CRIPT: variants seen among roughly 807,000 people sequenced by gnomAD.
The protein encoded by CRIPT is cysteine-rich PDZ-binding protein.
Under a neutral mutation model 16.6 loss-of-function variants are expected in CRIPT, and 20 were observed. The ratio of observed to expected loss-of-function variants is 1.20; its 90% CI spans 0.85 to 1.75. CRIPT has a LOEUF of 1.75. CRIPT is among the 40% of genes most tolerant of loss of function. The probability of loss-of-function intolerance (pLI) is 0.00; values close to 1 mark genes in which losing one functional copy is unlikely to be tolerated. For missense variants in CRIPT, 133 were observed against 115.3 expected (o/e 1.15, Z -0.70); for synonymous variants, 42 against 37.0 (o/e 1.14, Z -0.49).
At chr2:46,617,415 G>C (rs1670689136) in intron 1 of CRIPT, 117 bp downstream of exon 1, 11 of 1,175,906 alleles carry the variant, frequency 9.4e-6, no homozygotes, top group Non-Finnish European at 1.3e-5. Context: ...GATTCTATCC[G>C]CTGTCTTTCT....
Position 46,626,268 on chromosome 2 carries a change from C to G in CRIPT, c.*2041C>G, listed in dbSNP as rs1670937455. On this transcript the variant is annotated 3_prime_UTR_variant, in exon 5 of 5. Transcript: ENST00000238892. ...ATGTTGCTGCAAAAGACATGATTTTCATTCTTTTTTATGGCTGCATAGTAT... is the reference window on the plus strand; with the variant it reads ...ATGTTGCTGCAAAAGACATGATTTTGATTCTTTTTTATGGCTGCATAGTAT... Among the ~76,000 whole-genome samples, 1 of 152,142 alleles carries G rather than the reference C, an allele frequency of 6.6e-6. No homozygotes were observed. The highest frequency in any genetic ancestry group is 1.5e-5 in the Non-Finnish European group (1 of 68,006).
rs1050383231 is a variant in CRIPT, at chr2:46,627,768, A to C, written c.*3541A>C. Among the ~76,000 whole-genome samples the C allele has an allele frequency of 1.3e-5, 2 of 152,058 alleles. No homozygotes were observed. The highest frequency in any genetic ancestry group is 6.6e-5 in the Admixed American group (1 of 15,258). ...CCCCTTATATTTAAATCTTTAATCT[A>C]TCTTGAGGTAATTTTATATATATGG... is the stretch of plus-strand genomic sequence containing the variant. On this transcript the variant is annotated 3_prime_UTR_variant, in exon 5 of 5. Transcript: ENST00000238892.
At chr2:46,620,926 T>G (rs1215395500) in intron 3 of CRIPT, among the ~76,000 whole-genome samples, 2 of 152,014 alleles carry the variant, frequency 1.3e-5, no homozygotes, top group African/African-American at 4.8e-5. Context: ...AATTCCTCAC[T>G]GAGTCCTCCC....
chr2:46,618,968 C>T (rs1301637555), intron 2 of CRIPT, 130 bp downstream of exon 2: 4 of 569,156 alleles, frequency 7.0e-6, no homozygotes, highest in South Asian at 2.6e-5. Flanking sequence ...TTAAAGAATA[C>T]TGGGTCCTCA....
rs751165866 is a variant in CRIPT, at chr2:46,617,281, G to C, written c.-2G>C. 8.4e-6 allele frequency: 13 copies of C among 1,554,976 alleles called. No individual in the cohort carries two copies. In the African/African-American group the frequency reaches 1.1e-4, roughly 13 times the overall value. On this transcript the variant is annotated 5_prime_UTR_variant, in exon 1 of 5. Coordinates refer to ENST00000238892, the MANE Select transcript of CRIPT (RefSeq NM_014171.6). ...CGGCTAGGGGAACCGTCGTGGGGAA[G>C]GATGGTGTGCGAAAAATGTGAGTTA...
rs2104186342 is a variant in CRIPT at position 46,629,819 on chromosome 2, C to G, written c.*5592C>G. On this transcript the variant is annotated 3_prime_UTR_variant, in exon 5 of 5. Coordinates refer to ENST00000238892, the MANE Select transcript of CRIPT (RefSeq NM_014171.6). ...TTAGTGGGTAATTTGTGAGGAGAAA[C>G]TTTGAGACCTTGTTGACAATTCTGT... 6.6e-6 allele frequency among the ~76,000 whole-genome samples: 1 copy of G among 152,262 alleles called. No homozygotes were observed. Among genetic ancestry groups the G allele is most frequent in the Admixed American group, 6.5e-5 (1 of 15,304 alleles).
At chr2:46,619,278 A>G (rs1329602995) in intron 2 of CRIPT, among the ~76,000 whole-genome samples, 1 of 152,140 alleles carries the variant, frequency 6.6e-6, no homozygotes, top group Non-Finnish European at 1.5e-5. Flanking sequence ...AAATACATAT[A>G]GTAAAGTATG....
chr2:46,618,720 G>A (rs1291520256), intron 1 of CRIPT, 53 bp from the exon 2 acceptor site: 1 of 1,155,286 alleles, frequency 8.7e-7, no homozygotes, highest in Non-Finnish European at 1.3e-6. Flanking sequence ...ACAATGTAAT[G>A]CACTTATTAA....
rs1234734217 is a variant in CRIPT at position 46,625,435 on chromosome 2, TA to T, written c.*1209del. The T allele has an allele frequency of 6.7e-6, 1 of 150,140 alleles. No individual in the cohort carries two copies. Among genetic ancestry groups the T allele is most frequent in the Non-Finnish European group, 1.5e-5 (1 of 67,632 alleles). The allele number at this position is 150,140 out of a possible 1,614,324, so 9.3% of individuals were successfully genotyped here. A position where few individuals can be genotyped will look rare whatever the true frequency, so the allele number is the denominator to read the frequency against. ...ACAGGTTTCAAATGAATACTTTTCT[TA>T]TGTTGCCTTCAGAGGTTCAGGACTT... On this transcript the variant is annotated 3_prime_UTR_variant, in exon 5 of 5. Transcript: ENST00000238892.
chr2:46,621,416 T>C (rs749209314), intron 3 of CRIPT, among the ~76,000 whole-genome samples: 1 of 152,226 alleles, frequency 6.6e-6, no homozygotes, highest in Non-Finnish European at 1.5e-5. Flanking sequence ...TTCTTGCTGT[T>C]TGGGTCTCAG....
At chr2:46,620,713 AT>A (rs1558717768) in intron 3 of CRIPT, among the ~76,000 whole-genome samples, 1 of 147,396 alleles carries the variant, frequency 6.8e-6, no homozygotes, top group Non-Finnish European at 1.5e-5. Context: ...TAATAATATT[AT>A]TATATATATA....
At position 46,625,838 on chromosome 2, in the gene CRIPT, A is replaced by G. The variant is rs911115972; in HGVS notation, c.*1611A>G. ...GGTCAGAGAGCATCCCAGATCCATTAAAGATTGGATTCATTGACTTGGAGA... is the reference window on the plus strand; with the variant it reads ...GGTCAGAGAGCATCCCAGATCCATTGAAGATTGGATTCATTGACTTGGAGA... On this transcript the variant is annotated 3_prime_UTR_variant, in exon 5 of 5. Coordinates refer to ENST00000238892, the MANE Select transcript of CRIPT (RefSeq NM_014171.6). The G allele has an allele frequency of 4.6e-5, 7 of 152,206 alleles. No homozygotes were observed. Among genetic ancestry groups the G allele is most frequent in the African/African-American group, 1.7e-4 (7 of 41,454 alleles). 9.4% of individuals were successfully genotyped at this position (152,206 alleles called of 1,614,324 possible). A position where few individuals can be genotyped will look rare whatever the true frequency, so the allele number is the denominator to read the frequency against.
Position 46,624,383 on chromosome 2 carries a change from A to G in CRIPT, c.*156A>G. On this transcript the variant is annotated 3_prime_UTR_variant, in exon 5 of 5. Transcript: ENST00000238892. ...CTCATTTTGCTCTCATGTTCTAAACAGCAACAGTGTAACTAGTCTTTTGTT... is the reference window on the plus strand; with the variant it reads ...CTCATTTTGCTCTCATGTTCTAAACGGCAACAGTGTAACTAGTCTTTTGTT... 2.4e-6 allele frequency: 1 copy of G among 413,742 alleles called. No homozygotes were observed. The highest frequency in any genetic ancestry group is 4.3e-6 in the Non-Finnish European group (1 of 233,548). The allele number at this position is 413,742 out of a possible 1,614,324, so 25.6% of individuals were successfully genotyped here.
At position 46,625,290 on chromosome 2, in the gene CRIPT, C is replaced by G. The variant is rs757082229; in HGVS notation, c.*1063C>G. 1 of 150,294 alleles carries G rather than the reference C, an allele frequency of 6.7e-6. No individual in the cohort carries two copies. The highest frequency in any genetic ancestry group is 1.5e-5 in the Non-Finnish European group (1 of 67,752). 9.3% of individuals were successfully genotyped at this position (150,294 alleles called of 1,614,324 possible). On this transcript the variant is annotated 3_prime_UTR_variant, in exon 5 of 5. Transcript: ENST00000238892. ...CTCACTATGTTGCCCAAGCTGTTCT[C>G]GAACTTCTGATCTCAAGCAATCCTC...
At position 46,623,804 on chromosome 2, in the gene CRIPT, AT is replaced by A; in HGVS notation, c.181del (p.Cys61ValfsTer70). 3 of 1,610,874 alleles carry A rather than the reference AT, an allele frequency of 1.9e-6. No individual in the cohort carries two copies. The highest frequency in any genetic ancestry group is 2.5e-6 in the Non-Finnish European group (3 of 1,178,240). On this transcript the variant is annotated frameshift_variant, in exon 4 of 5. Transcript: ENST00000238892. LOFTEE classifies it high-confidence loss of function. ...YGKNKFSTCR[I>X]CKSSVHQPGS... ...AAAGAATAAGTTCTCCACTTGTAGA[AT>A]TTGTAAAAGTTCTGTGCACCAACCA...
At chr2:46,624,047 T>TTTTTTTTTTC (rs368904876) in intron 4 of CRIPT, 116 bp from the exon 5 acceptor site, 8 of 472,208 alleles carry the variant, frequency 1.7e-5, no homozygotes, top group African/African-American at 1.2e-4. Flanking sequence ...ATATATTTTT[T>TTTTTTTTTTC]TTTTCTTTTC....
chr2:46,617,370 C>A, intron 1 of CRIPT, 72 bp downstream of exon 1: 1 of 1,500,876 alleles, frequency 6.7e-7, no homozygotes, highest in Admixed American at 2.2e-5. Context: ...GGGAACTTTG[C>A]TTTCTCGTTG....
intron 2 of CRIPT, 31 bp downstream of exon 2, chr2:46,618,869 A>G (rs1479441957): frequency 2.3e-6 from 3 of 1,318,000 alleles, no homozygotes; most frequent in South Asian, 2.5e-5. Flanking sequence ...TAGGAATTTA[A>G]CCGAATACTT....
intron 1 of CRIPT, 51 bp from the exon 2 acceptor site, chr2:46,618,722 A>G (rs1670731820): frequency 2.5e-6 from 3 of 1,190,590 alleles, no homozygotes; most frequent in Non-Finnish European, 3.7e-6. Flanking sequence ...AATGTAATGC[A>G]CTTATTAAAT....
Sources: gnomAD v4.1 joint callset for allele counts (sites outside exome capture counted in the v4.1 genomes callset) on GRCh38, gnomAD v4.1.1 for gene constraint, MANE v1.5 for transcripts, NCBI Gene and HGNC (gene_info 2026-07-23, HGNC 2026-07-21) for gene names.